Variants in GOLGA3 observed in about 807,000 individuals in gnomAD.
GOLGA3 encodes the protein golgin subfamily A member 3.
GOLGA3 carries 75 observed loss-of-function variants against 169.4 expected under a neutral mutation model. The observed-to-expected ratio is 0.44, with a 90% CI of 0.37 to 0.54. The LOEUF (loss-of-function observed/expected upper bound fraction) is 0.54, where lower values mean the gene tolerates loss of function less well. Ranked by LOEUF, GOLGA3 falls within the 20% of genes least tolerant of loss-of-function variation. GOLGA3 has a pLI of 0.00. For missense variants in GOLGA3, 1,899 were observed against 1,930.0 expected (o/e 0.98, Z 0.30); for synonymous variants, 824 against 822.4 (o/e 1.00, Z -0.03).
rs551904784 is a variant in GOLGA3 at position 132,790,288 on chromosome 12, C to T, written c.2547+928G>A. On this transcript the variant is annotated intron_variant, in intron 12 of 23. Coordinates refer to ENST00000450791, the MANE Select transcript of GOLGA3 (RefSeq NM_001389683.1). ...GGCGGAGCTTGCAGTGAGCCGAGAT[C>T]GCACCACTGCCCTCCAGCCTGGGGT... 5.9e-5 allele frequency among the ~76,000 whole-genome samples: 9 copies of T among 152,036 alleles called. No homozygotes were observed. The South Asian group carries it at 1.2e-3, about 21-fold the overall frequency.
chr12:132,774,357 C>T lies in GOLGA3; in HGVS notation c.4144-37G>A, dbSNP rs767425474. The T allele has an allele frequency of 2.5e-6, 4 of 1,605,330 alleles. No individual in the cohort carries two copies. The Admixed American group carries it at 6.7e-5, about 27-fold the overall frequency. ...AGCACATGATCAGCTTTCCCACCGT[C>T]CCCTCCCTCGGGTCAGTCTCACTAG... On this transcript the variant is annotated intron_variant, in intron 22 of 23. Coordinates refer to ENST00000450791, the MANE Select transcript of GOLGA3 (RefSeq NM_001389683.1).
intron 16 of GOLGA3, chr12:132,783,765 ATGGGGTT>A (rs1360999996): frequency 5.7e-5 from 26 of 454,516 alleles, no homozygotes; most frequent in Middle Eastern, 1.3e-3. Context: ...TTTAGTAGAG[ATGGGGTT>A]TCACCATGTC....
Position 132,804,673 on chromosome 12 carries a change from G to A in GOLGA3, c.1597+43C>T, listed in dbSNP as rs756539306. 2 of 1,506,338 alleles carry A rather than the reference G, an allele frequency of 1.3e-6. No homozygotes were observed. The highest frequency in any genetic ancestry group is 3.4e-5 in the Admixed American group (2 of 58,642). The allele number at this position is 1,506,338 out of a possible 1,614,324, so 93.3% of individuals were successfully genotyped here. On this transcript the variant is annotated intron_variant, in intron 7 of 23. Transcript: ENST00000450791. This position sits in a 1 kb window ranked among gnomAD's most constrained non-coding sequence, Gnocchi z 4.1. ...TCGAGGAAGGAGGAGGGAGCAGCAG[G>A]GACCAGTCAGGGAGGGGAGGGCGTG...
intron 2 of GOLGA3, 150 bp from the exon 3 acceptor site, chr12:132,816,962 A>G (rs1949985026): frequency 1.3e-6 from 1 of 779,364 alleles, no homozygotes; most frequent in South Asian, 1.9e-5. Context: ...TGAGAGGAGC[A>G]GCCCATGGGC....
At chr12:132,821,837 G>A (rs566695660) in intron 2 of GOLGA3, among the ~76,000 whole-genome samples, 159 bp downstream of exon 2, 1 of 119,790 alleles carries the variant, frequency 8.3e-6, no homozygotes, top group African/African-American at 3.0e-5. Flanking sequence ...CTGGGCGAAA[G>A]AGCGAGACTC....
intron 9 of GOLGA3, among the ~76,000 whole-genome samples, chr12:132,796,973 C>T (rs905757492): frequency 2.0e-5 from 3 of 152,224 alleles, no homozygotes; most frequent in African/African-American, 7.2e-5. Flanking sequence ...TCTCGTGTGG[C>T]GACAGCTGCC....
intron 9 of GOLGA3, among the ~76,000 whole-genome samples, chr12:132,797,757 C>A (rs148912679): frequency 6.6e-6 from 1 of 152,018 alleles, no homozygotes; most frequent in Non-Finnish European, 1.5e-5. Flanking sequence ...AATTGTCCAG[C>A]GCCCCACAGC....
intron 7 of GOLGA3, among the ~76,000 whole-genome samples, chr12:132,803,762 T>C (rs953117891): frequency 6.6e-6 from 1 of 152,156 alleles, no homozygotes; most frequent in Non-Finnish European, 1.5e-5. Flanking sequence ...CACAGCCTCA[T>C]AGGCGGACCG....
chr12:132,789,331 G>A, intron 12 of GOLGA3, 41 bp from the exon 13 acceptor site: 8 of 1,506,426 alleles, frequency 5.3e-6, no homozygotes, highest in Admixed American at 2.1e-5. Context: ...TGGGCGGCGG[G>A]GCGTGGGGGG....
In GOLGA3 at chr12:132,796,650, C is replaced by A; in HGVS notation, c.1989G>T (p.Lys663Asn). Residue 663 changes from lysine (K) to asparagine (N), a missense_variant, in exon 10 of 24, where the codon AAG (lysine) becomes AAT (asparagine). Transcript: ENST00000450791. ...TCTGAAGGTCCTCCTCCACCATCGT[C>A]TTTGCCTCCTGAATCTGCATGAAGG... is the stretch of plus-strand genomic sequence containing the variant. ...EAAFMQIQEAKTMVEEDLQRR... is the reference protein window; with the variant it reads ...EAAFMQIQEANTMVEEDLQRR... 6.2e-7 allele frequency: 1 copy of A among 1,614,150 alleles called. No individual in the cohort carries two copies. Among genetic ancestry groups the A allele is most frequent in the East Asian group, 2.2e-5 (1 of 44,886 alleles).
At chr12:132,782,875 CAAAA>C (rs63295864) in intron 16 of GOLGA3, among the ~76,000 whole-genome samples, 3 of 102,150 alleles carry the variant, frequency 2.9e-5, no homozygotes, top group Non-Finnish European at 3.9e-5. Context: ...GACTCTGTCT[CAAAA>C]AAAAAAAAAA....
chr12:132,778,270 CG>C (rs1193521771), intron 18 of GOLGA3, among the ~76,000 whole-genome samples: 1 of 151,906 alleles, frequency 6.6e-6, no homozygotes, highest in Non-Finnish European at 1.5e-5. Flanking sequence ...GAGTGAGACC[CG>C]GTCCCAAAAA....
intron 4 of GOLGA3, among the ~76,000 whole-genome samples, chr12:132,809,799 A>G (rs1330374856): frequency 6.6e-6 from 1 of 152,212 alleles, no homozygotes; most frequent in Admixed American, 6.5e-5. Context: ...TATCTGGTGT[A>G]ACTATTCTTG....
Position 132,808,295 on chromosome 12 carries a change from A to C in GOLGA3, c.774T>G (p.Asn258Lys). 1.2e-6 allele frequency: 2 copies of C among 1,614,052 alleles called. No individual in the cohort carries two copies. Among genetic ancestry groups the C allele is most frequent in the Non-Finnish European group, 8.5e-7 (1 of 1,180,014 alleles). Reference protein sequence around the residue: ...DYRTEDSNAGNSGGNVPAPDS... With the variant: ...DYRTEDSNAGKSGGNVPAPDS... ...CGGGAGCCGGGACATTTCCCCCAGA[A>C]TTCCCCGCATTTGAATCTTCAGTTC... is the stretch of plus-strand genomic sequence containing the variant. Residue 258 changes from asparagine to lysine, a missense_variant, in exon 5 of 24, where the codon AAT becomes AAG. Asn to Lys is a moderately conservative substitution (Grantham distance 94). Coordinates refer to ENST00000450791, the MANE Select transcript of GOLGA3 (RefSeq NM_001389683.1).
chr12:132,826,523 G>C (rs1950422766), intron 1 of GOLGA3, among the ~76,000 whole-genome samples: 1 of 151,700 alleles, frequency 6.6e-6, no homozygotes, highest in South Asian at 2.1e-4. Flanking sequence ...ACCGAGCTGA[G>C]TCCAGTGCAA....
intron 18 of GOLGA3, among the ~76,000 whole-genome samples, chr12:132,779,844 C>CCA (rs1233176940): frequency 1.3e-5 from 1 of 77,014 alleles, no homozygotes; most frequent in African/African-American, 4.3e-5. Context: ...TGCACGGACA[C>CCA]CCCCCCGCGC....
intron 2 of GOLGA3, among the ~76,000 whole-genome samples, chr12:132,820,244 C>T (rs923839757): frequency 5.3e-5 from 8 of 152,068 alleles, no homozygotes; most frequent in Non-Finnish European, 1.0e-4. Flanking sequence ...GAGACCAAGG[C>T]AGGAGGATCA....
At chr12:132,796,387 T>TGCA (rs890660448) in intron 10 of GOLGA3, 152 bp downstream of exon 10, 19 of 1,158,866 alleles carry the variant, frequency 1.6e-5, no homozygotes, top group African/African-American at 1.1e-4. Context: ...GGGTCAGGTC[T>TGCA]GCAGCAGCAG....
At chr12:132,824,233 C>T (rs890064763) in intron 1 of GOLGA3, among the ~76,000 whole-genome samples, 1 of 152,212 alleles carries the variant, frequency 6.6e-6, no homozygotes, top group Non-Finnish European at 1.5e-5. Context: ...AAGAGGAAAC[C>T]TATGGGTGGT....
Sources: gnomAD v4.1 joint callset for allele counts (sites outside exome capture counted in the v4.1 genomes callset) on GRCh38, gnomAD v4.1.1 for gene constraint, Gnocchi (gnomAD v3.1) non-coding constraint, MANE v1.5 for transcripts, NCBI Gene and HGNC (gene_info 2026-07-23, HGNC 2026-07-21) for gene names.